The following PRKDC variants were observed in gnomAD, a reference collection of about 807,000 sequenced individuals.
PRKDC encodes protein kinase, DNA-activated, catalytic subunit, also known as DNA-dependent protein kinase catalytic subunit.
In PRKDC, 82 loss-of-function variants were observed where a neutral mutation model predicts 486.9. The observed-to-expected ratio is 0.17, with a 90% CI of 0.14 to 0.20. The LOEUF (loss-of-function observed/expected upper bound fraction) is 0.20. Among genes scored for constraint, PRKDC ranks in the 10% least tolerant of loss-of-function variants. The pLI is 1.00. For missense variants in PRKDC, 4,504 were observed against 5,038.2 expected, an observed-to-expected ratio of 0.89 and a Z score of 3.21; for synonymous variants, 1,895 against 1,837.0, an observed-to-expected ratio of 1.03 and a Z score of -0.81.
At chr8:47,848,144 C>T (rs1025250060) in intron 54 of PRKDC, among the ~76,000 whole-genome samples, 19 of 152,224 alleles carry the variant, frequency 1.2e-4, no homozygotes, top group East Asian at 3.9e-4. Flanking sequence ...TGGGTATATA[C>T]GCAAAGGAAA....
chr8:47,836,265 C>A, intron 58 of PRKDC, 73 bp downstream of exon 58: 1 of 1,344,498 alleles, frequency 7.4e-7, no homozygotes, highest in Non-Finnish European at 9.7e-7. Flanking sequence ...AAAAGCCCAA[C>A]ACTGTTGTGA....
chr8:47,864,831 C>T (rs1161106906), intron 40 of PRKDC, 68 bp from the exon 41 acceptor site: 7 of 1,303,292 alleles, frequency 5.4e-6, no homozygotes, highest in Non-Finnish European at 7.2e-6. Flanking sequence ...GTGCCTACTA[C>T]ATAACAGGCA....
intron 29 of PRKDC, 92 bp from the exon 30 acceptor site, chr8:47,897,386 C>T (rs2154502131): frequency 2.4e-6 from 3 of 1,249,690 alleles, no homozygotes; most frequent in African/African-American, 1.5e-5. Flanking sequence ...ATCTTTATCA[C>T]ACAGATATAT....
At chr8:47,822,562 G>A (rs897993510) in intron 64 of PRKDC, among the ~76,000 whole-genome samples, 4 of 151,604 alleles carry the variant, frequency 2.6e-5, no homozygotes, top group Non-Finnish European at 5.9e-5. Context: ...AGGCCGAGGC[G>A]GGCGGATCAC....
intron 30 of PRKDC, among the ~76,000 whole-genome samples, chr8:47,893,929 T>C (rs1300750657): frequency 6.6e-6 from 1 of 152,174 alleles, no homozygotes; most frequent in Admixed American, 6.5e-5. Context: ...GCACTGAAAA[T>C]GTCAAATCAT....
intron 3 of PRKDC, 56 bp downstream of exon 3, chr8:47,957,115 T>C: frequency 2.5e-6 from 3 of 1,182,246 alleles, no homozygotes; most frequent in East Asian, 5.0e-5. Flanking sequence ...CCTCACACCA[T>C]AAGTTAAAAC....
chr8:47,817,715 A>T (rs1419022634), intron 67 of PRKDC, among the ~76,000 whole-genome samples, 154 bp from the exon 68 acceptor site: 2 of 150,748 alleles, frequency 1.3e-5, no homozygotes, highest in Admixed American at 6.6e-5. Context: ...ACCATACTAA[A>T]TTTAATATAT....
At position 47,828,358 on chromosome 8, in the gene PRKDC, T is replaced by C. The variant is rs1468290280; in HGVS notation, c.8398-11A>G. ...AATTATTGGGTCCCTCTGTAAAAAA[T>C]TCAAAACAAAGACAAATTAGGATCT... On this transcript the variant is annotated splice_polypyrimidine_tract_variant and intron_variant, in intron 61 of 85. Coordinates refer to ENST00000314191, the MANE Select transcript of PRKDC (RefSeq NM_006904.7). The C allele has an allele frequency of 1.3e-6, 2 of 1,538,604 alleles. No individual in the cohort carries two copies. Among genetic ancestry groups the C allele is most frequent in the East Asian group, 4.6e-5 (2 of 43,928 alleles).
At chr8:47,929,820 C>T (rs758768270) in intron 18 of PRKDC, 33 bp downstream of exon 18, 16 of 1,565,460 alleles carry the variant, frequency 1.0e-5, no homozygotes, top group South Asian at 6.1e-5. Flanking sequence ...CCTAAAAAAA[C>T]GCAAGATTCA....
At chr8:47,775,225 T>TA (rs1798764987) in intron 85 of PRKDC, among the ~76,000 whole-genome samples, 5 of 151,634 alleles carry the variant, frequency 3.3e-5, no homozygotes, top group African/African-American at 9.7e-5. Flanking sequence ...ATTAATTAAT[T>TA]AATAGCCATC....
In PRKDC at chr8:47,864,782, A is replaced by C; in HGVS notation, c.5364-19T>G. 1 of 1,532,646 alleles carries C rather than the reference A, an allele frequency of 6.5e-7. No individual in the cohort carries two copies. The allele number at this position is 1,532,646 out of a possible 1,614,324, so 94.9% of individuals were successfully genotyped here. On this transcript the variant is annotated intron_variant, in intron 40 of 85. Transcript: ENST00000314191. The stretch of plus-strand genomic sequence containing the variant: ...TGAACCCCTAAGAAAACAAGATAAA[A>C]TTATATGAACATCCCTGCTTTGAAG...
intron 83 of PRKDC, among the ~76,000 whole-genome samples, chr8:47,778,220 T>A (rs985223776): frequency 1.3e-5 from 2 of 152,178 alleles, no homozygotes; most frequent in Non-Finnish European, 2.9e-5. Flanking sequence ...GAGTCTTCCT[T>A]TGATCTGCGA....
rs1014285595 is a variant in PRKDC, at chr8:47,834,686, C to CTT, written c.7952-292_7952-291dup. Among the ~76,000 whole-genome samples the CTT allele has an allele frequency of 3.1e-3, 297 of 96,696 alleles. 4 individuals carry two copies. Among genetic ancestry groups the CTT allele is most frequent in the African/African-American group, 4.0e-3 (58 of 14,634 alleles). The allele number at this position is 96,696 out of a possible 152,430, so 63.4% of individuals were successfully genotyped here. A position where few individuals can be genotyped will look rare whatever the true frequency, so the allele number is the denominator to read the frequency against. On this transcript the variant is annotated intron_variant, in intron 58 of 85. Transcript: ENST00000314191. Reference sequence around the variant, plus strand: ...ACTGAAAGGTGCTAAGAACCCCTGACTTTTTTTTTTTTTTTTTTTTTTGAG... The same window carrying CTT: ...ACTGAAAGGTGCTAAGAACCCCTGACTTTTTTTTTTTTTTTTTTTTTTTTGAG...
In PRKDC at chr8:47,909,223, C is replaced by T. The variant is rs547985369; in HGVS notation, c.2934+3187G>A. Among the ~76,000 whole-genome samples, 12 of 152,236 alleles carry T rather than the reference C, an allele frequency of 7.9e-5. No homozygotes were observed. In the South Asian group the frequency reaches 8.3e-4, roughly 11 times the overall value. On this transcript the variant is annotated intron_variant, in intron 25 of 85. Transcript: ENST00000314191. ...CCCACACGGAGGGACCGGTTGGAGC[C>T]GAGGCAGAAGAACGTAAATTGTGAA...
chr8:47,815,802 C>G (rs1215096667), intron 68 of PRKDC, among the ~76,000 whole-genome samples: 4 of 152,178 alleles, frequency 2.6e-5, no homozygotes, highest in Non-Finnish European at 5.9e-5. Flanking sequence ...AGGGATAAGT[C>G]TTAGGAGAAG....
chr8:47,785,238 T>C lies in PRKDC; in HGVS notation c.10982A>G (p.Asp3661Gly). 1.2e-6 allele frequency: 2 copies of C among 1,613,836 alleles called. No individual in the cohort carries two copies. Among genetic ancestry groups the C allele is most frequent in the Non-Finnish European group, 1.7e-6 (2 of 1,179,802 alleles). Residue 3661 changes from aspartate to glycine, a missense_variant, in exon 77 of 86, where the codon GAC becomes GGC. Coordinates refer to ENST00000314191, the MANE Select transcript of PRKDC (RefSeq NM_006904.7). ...LLRMKLSDFN[D>G]ITNMLLLKMN... is the part of the protein sequence containing the mutation. ...TTTTAAAAGTAGCATGTTGGTAATG[T>C]CGTTGAAGTCACTGAGCTTCATTCT...
intron 54 of PRKDC, among the ~76,000 whole-genome samples, chr8:47,848,182 G>A (rs1209142034): frequency 6.6e-6 from 1 of 152,118 alleles, no homozygotes; most frequent in African/African-American, 2.4e-5. Context: ...AAAGACACAT[G>A]CACCCATATG....
rs140489857 is a variant in PRKDC at position 47,950,679 on chromosome 8, C to CA, written c.721+2940dup. Among the ~76,000 whole-genome samples, 894 of 150,356 alleles carry CA rather than the reference C, an allele frequency of 5.9e-3. 6 individuals are homozygous for CA. The highest frequency in any genetic ancestry group is 0.021 in the African/African-American group (851 of 40,938). ...GGATAAAAAGTTATATTTGTCCTTTCAAAAAAAGAAAAGAATTTCATTGGC... is the reference window on the plus strand; with the variant it reads ...GGATAAAAAGTTATATTTGTCCTTTCAAAAAAAAGAAAAGAATTTCATTGGC... On this transcript the variant is annotated intron_variant, in intron 7 of 85. Coordinates refer to ENST00000314191, the MANE Select transcript of PRKDC (RefSeq NM_006904.7).
intron 16 of PRKDC, among the ~76,000 whole-genome samples, chr8:47,932,286 T>C (rs1398382285): frequency 5.9e-5 from 9 of 152,192 alleles, no homozygotes; most frequent in Non-Finnish European, 8.8e-5. Context: ...GGTTTCACCG[T>C]GTTAGCCAGG....
Sources: gnomAD v4.1 joint callset for allele counts (sites outside exome capture counted in the v4.1 genomes callset) on GRCh38, gnomAD v4.1.1 for gene constraint, MANE v1.5 for transcripts, NCBI Gene and HGNC (gene_info 2026-07-23, HGNC 2026-07-21) for gene names.